Variants in PGAM1 observed in about 807,000 individuals in gnomAD.
The protein encoded by PGAM1 is phosphoglycerate mutase 1, also known as BPG-dependent PGAM 1.
In PGAM1, 21 loss-of-function variants were observed where a neutral mutation model predicts 23.5. The ratio of observed to expected loss-of-function variants is 0.89; its 90% CI spans 0.63 to 1.29. PGAM1 has a LOEUF of 1.29. PGAM1 is among the 50% of genes most tolerant of loss of function. PGAM1 has a pLI of 0.00. For synonymous variants in PGAM1, 109 were observed against 128.6 expected, an observed-to-expected ratio of 0.85 and a Z score of 1.03; for missense variants, 232 against 336.3, an observed-to-expected ratio of 0.69 and a Z score of 2.42.
intron 1 of PGAM1, chr10:97,427,447 T>G: frequency 9.8e-7 from 1 of 1,023,922 alleles, no homozygotes; most frequent in Non-Finnish European, 1.2e-6. Context: ...GATTTTATCT[T>G]TCTCATCTTT....
chr10:97,432,695 C>T lies in PGAM1; in HGVS notation c.*171C>T. 3 of 631,238 alleles carry T rather than the reference C, an allele frequency of 4.8e-6. No homozygotes were observed. Among genetic ancestry groups the T allele is most frequent in the South Asian group, 1.9e-5 (1 of 51,964 alleles). 39.1% of individuals were successfully genotyped at this position (631,238 alleles called of 1,614,324 possible). On this transcript the variant is annotated 3_prime_UTR_variant, in exon 4 of 4. Coordinates refer to ENST00000334828, the MANE Select transcript of PGAM1 (RefSeq NM_002629.4). ...CATTTTAGCCATTTTGTCGCCTGCA[C>T]CCACTCCCTTCATACAATCTAGTCA...
Position 97,432,612 on chromosome 10 carries a change from C to T in PGAM1, c.*88C>T. 1 of 1,174,078 alleles carries T rather than the reference C, an allele frequency of 8.5e-7. No homozygotes were observed. The highest frequency in any genetic ancestry group is 1.5e-5 in the African/African-American group (1 of 65,630). The allele number at this position is 1,174,078 out of a possible 1,614,324, so 72.7% of individuals were successfully genotyped here. ...CTCCCACCTGCACATGTCACACTGA[C>T]CACATCTGTAGACATCTTGAGTTGT... is the stretch of plus-strand genomic sequence containing the variant. On this transcript the variant is annotated 3_prime_UTR_variant, in exon 4 of 4. Coordinates refer to ENST00000334828, the MANE Select transcript of PGAM1 (RefSeq NM_002629.4).
At chr10:97,427,179 A>G in intron 1 of PGAM1, 1 of 624,716 alleles carries the variant, frequency 1.6e-6, no homozygotes, top group Non-Finnish European at 2.0e-6. Context: ...GCCTTAAAGC[A>G]GCTGTAACCA....
At chr10:97,427,479 G>T (rs1256365681) in intron 1 of PGAM1, 3 of 1,024,976 alleles carry the variant, frequency 2.9e-6, no homozygotes, top group Non-Finnish European at 3.5e-6. Context: ...TTATAGTTGG[G>T]AAAAGTGAGT....
chr10:97,426,584 A>C, intron 1 of PGAM1, 138 bp downstream of exon 1: 3 of 1,133,608 alleles, frequency 2.6e-6, no homozygotes. Flanking sequence ...GTAGTTGAGA[A>C]GATGAGTGCA....
Position 97,430,792 on chromosome 10 carries a change from A to G in PGAM1, c.414+139A>G. ...CTTCTCCAGTGAATGACCTTCACTT[A>G]CTAGAAGATATGGTTGATAGTTTAC... On this transcript the variant is annotated intron_variant, in intron 2 of 3. Transcript: ENST00000334828. 2.1e-6 allele frequency: 3 copies of G among 1,441,302 alleles called. No individual in the cohort carries two copies. In the South Asian group the frequency reaches 3.5e-5, roughly 17 times the overall value. The allele number at this position is 1,441,302 out of a possible 1,614,324, so 89.3% of individuals were successfully genotyped here. A position where few individuals can be genotyped will look rare whatever the true frequency, so the allele number is the denominator to read the frequency against.
intron 1 of PGAM1, chr10:97,427,835 A>G (rs1433703045): frequency 8.5e-6 from 11 of 1,289,232 alleles, no homozygotes; most frequent in South Asian, 1.2e-5. Flanking sequence ...AGGGTCATTG[A>G]TGAGGCACAG....
At chr10:97,431,392 A>G (rs1845469909) in intron 3 of PGAM1, among the ~76,000 whole-genome samples, 1 of 152,204 alleles carries the variant, frequency 6.6e-6, no homozygotes, top group Admixed American at 6.5e-5. Context: ...CTGTTTCAGA[A>G]TCGGCATCTA....
chr10:97,430,518 G>C lies in PGAM1; in HGVS notation c.279G>C (p.Gly93=), dbSNP rs576460899. ...GGCGCCTCAATGAGCGGCACTATGG[G>C]GGTCTAACCGGTCTCAATAAAGCAG... The part of the protein sequence containing the change: ...RTWRLNERHY[G]GLTGLNKAET... The change falls in exon 2 of 4, where the codon GGG becomes GGC. Residue 93 remains glycine (G), a synonymous_variant. Coordinates refer to ENST00000334828, the MANE Select transcript of PGAM1 (RefSeq NM_002629.4). The C allele has an allele frequency of 1.9e-4, 309 of 1,600,844 alleles. No homozygotes were observed. The highest frequency in any genetic ancestry group is 2.6e-4 in the Non-Finnish European group (302 of 1,179,776).
At chr10:97,431,234 T>C (rs1845468607) in intron 3 of PGAM1, 99 bp downstream of exon 3, 1 of 1,360,810 alleles carries the variant, frequency 7.3e-7, no homozygotes, top group South Asian at 1.2e-5. Flanking sequence ...GGGCTGGACA[T>C]GTTAACAGCT....
rs1845406425 is a variant in PGAM1, at chr10:97,426,241, C to G, written c.-67C>G. The G allele has an allele frequency of 1.2e-6, 2 of 1,606,670 alleles. No homozygotes were observed. The highest frequency in any genetic ancestry group is 1.3e-5 in the African/African-American group (1 of 74,652). ...AGCGGTGCGAGCGCGCAGGCGCGGC[C>G]GACGGGGCGGGCTGCTACTCCGGAA... is the stretch of plus-strand genomic sequence containing the variant. On this transcript the variant is annotated 5_prime_UTR_variant, in exon 1 of 4. Transcript: ENST00000334828.
At chr10:97,427,606 G>A in intron 1 of PGAM1, 2 of 1,175,364 alleles carry the variant, frequency 1.7e-6, no homozygotes, top group Non-Finnish European at 2.1e-6. Flanking sequence ...GGCTAAGGAC[G>A]CTGGGCAAAG....
At chr10:97,427,556 G>C in intron 1 of PGAM1, 1 of 1,149,000 alleles carries the variant, frequency 8.7e-7, no homozygotes, top group Non-Finnish European at 1.1e-6. Flanking sequence ...CCTAGTCCTG[G>C]GTGAAGTAAC....
In PGAM1 at chr10:97,433,178, A is replaced by G. The variant is rs962425478; in HGVS notation, c.*654A>G. 6.6e-6 allele frequency: 1 copy of G among 151,782 alleles called. No homozygotes were observed. The highest frequency in any genetic ancestry group is 2.4e-5 in the African/African-American group (1 of 41,018). 9.4% of individuals were successfully genotyped at this position (151,782 alleles called of 1,614,324 possible). A position where few individuals can be genotyped will look rare whatever the true frequency, so the allele number is the denominator to read the frequency against. The stretch of plus-strand genomic sequence containing the variant: ...ATAGTCCCACATGTGGTCATCAGAA[A>G]ATAAGCCATTCCTCATACCAATATA... On this transcript the variant is annotated 3_prime_UTR_variant, in exon 4 of 4. Coordinates refer to ENST00000334828, the MANE Select transcript of PGAM1 (RefSeq NM_002629.4).
In PGAM1 at chr10:97,429,546, G is replaced by C. The variant is rs531539726; in HGVS notation, c.140-833G>C. Among the ~76,000 whole-genome samples the C allele has an allele frequency of 1.3e-3, 200 of 152,160 alleles. 1 individual carries two copies. The highest frequency in any genetic ancestry group is 4.5e-3 in the African/African-American group (186 of 41,512). ...TTAGTGAGTGGCTTCTCCTAAACTT[G>C]GTTTAACATTTAAGTAGGTATACTC... On this transcript the variant is annotated intron_variant, in intron 1 of 3. Transcript: ENST00000334828.
intron 1 of PGAM1, among the ~76,000 whole-genome samples, chr10:97,428,653 T>C (rs181279798): frequency 6.6e-6 from 1 of 152,318 alleles, no homozygotes; most frequent in East Asian, 1.9e-4. Flanking sequence ...GCTTGCACTG[T>C]GGGTATTCAC....
At chr10:97,431,178 C>G in intron 3 of PGAM1, 43 bp downstream of exon 3, 4 of 1,609,508 alleles carry the variant, frequency 2.5e-6, no homozygotes, top group Non-Finnish European at 3.4e-6. Flanking sequence ...AAGGATAAAG[C>G]AGAACTGCCA....
intron 2 of PGAM1, 110 bp downstream of exon 2, chr10:97,430,763 C>T (rs1772630362): frequency 1.2e-5 from 19 of 1,531,764 alleles, no homozygotes; most frequent in Non-Finnish European, 1.6e-5. Flanking sequence ...AATTGTAATC[C>T]TTCCTTCTCC....
At position 97,432,087 on chromosome 10, in the gene PGAM1, A is replaced by G. The variant is rs574554495; in HGVS notation, c.596-268A>G. Among the ~76,000 whole-genome samples the G allele has an allele frequency of 7.2e-5, 11 of 152,174 alleles. No homozygotes were observed. In the South Asian group the frequency reaches 2.1e-3, roughly 29 times the overall value. The stretch of plus-strand genomic sequence containing the variant: ...GTCTTGCTTCACTGTGGGCTTCTAG[A>G]TCCCACTTTGGTAGAGATATCTGGC... On this transcript the variant is annotated intron_variant, in intron 3 of 3. Coordinates refer to ENST00000334828, the MANE Select transcript of PGAM1 (RefSeq NM_002629.4).
Sources: allele counts gnomAD v4.1 joint callset (sites outside exome capture counted in the v4.1 genomes callset), GRCh38; gene constraint gnomAD v4.1.1; transcripts MANE v1.5; gene names NCBI Gene and HGNC (gene_info 2026-07-23, HGNC 2026-07-21).